PSMA1: variants seen among roughly 807,000 people sequenced by gnomAD.
PSMA1 encodes the protein proteasome subunit alpha type-1.
Under a neutral mutation model 38.4 loss-of-function variants are expected in PSMA1, and 3 were observed. The observed-to-expected ratio is 0.08, with a 90% CI of 0.04 to 0.20. PSMA1 has a LOEUF of 0.20. PSMA1 is among the 10% of genes least tolerant of loss of function. PSMA1 has a pLI of 1.00. For missense variants in PSMA1, 227 were observed against 325.3 expected, an observed-to-expected ratio of 0.70 and a Z score of 2.32; for synonymous variants, 101 against 107.1, an observed-to-expected ratio of 0.94 and a Z score of 0.35.
chr11:14,564,268 T>C (rs1457844593), intron 2 of PSMA1, among the ~76,000 whole-genome samples: 1 of 152,218 alleles, frequency 6.6e-6, no homozygotes, highest in Non-Finnish European at 1.5e-5. Flanking sequence ...TTTTGTCATC[T>C]GAAGAACGTT....
chr11:14,573,128 C>G (rs1447510960), intron 2 of PSMA1, among the ~76,000 whole-genome samples: 1 of 152,184 alleles, frequency 6.6e-6, no homozygotes, highest in Non-Finnish European at 1.5e-5. Context: ...CTATTCCAAT[C>G]AACAGAAAAA....
chr11:14,518,985 A>C lies in PSMA1; in HGVS notation c.48+12T>G, dbSNP rs1851479986. ...GCCACTTCACAGAAAAGGTTTAAAA[A>C]CATTATTTTACCTGGGGGCTCCAAA... On this transcript the variant is annotated intron_variant, in intron 2 of 9. Coordinates refer to ENST00000396394, the MANE Select transcript of PSMA1 (RefSeq NM_002786.4). 2 of 1,569,558 alleles carry C rather than the reference A, an allele frequency of 1.3e-6. No individual in the cohort carries two copies. The highest frequency in any genetic ancestry group is 2.7e-5 in the African/African-American group (2 of 72,728).
chr11:14,605,924 C>T (rs918750543), intron 2 of PSMA1, among the ~76,000 whole-genome samples: 1 of 152,142 alleles, frequency 6.6e-6, no homozygotes, highest in Non-Finnish European at 1.5e-5. Flanking sequence ...GCTGTAATTG[C>T]TTTTTAGAAC....
At chr11:14,641,149 C>T (rs1830925694) in intron 1 of PSMA1, among the ~76,000 whole-genome samples, 2 of 150,946 alleles carry the variant, frequency 1.3e-5, no homozygotes, top group Admixed American at 1.3e-4. Context: ...GTACGTTCTG[C>T]ACATGTATCC....
chr11:14,634,418 T>G (rs1337456296), intron 1 of PSMA1, among the ~76,000 whole-genome samples: 1 of 152,092 alleles, frequency 6.6e-6, no homozygotes. Flanking sequence ...GGGCTTAAAT[T>G]AATAAATATT....
At position 14,505,257 on chromosome 11, in the gene PSMA1, G is replaced by A; in HGVS notation, c.736-9C>T. 1 of 1,611,432 alleles carries A rather than the reference G, an allele frequency of 6.2e-7. No homozygotes were observed. The highest frequency in any genetic ancestry group is 8.5e-7 in the Non-Finnish European group (1 of 1,178,306). On this transcript the variant is annotated splice_polypyrimidine_tract_variant and intron_variant, in intron 9 of 9. Coordinates refer to ENST00000396394, the MANE Select transcript of PSMA1 (RefSeq NM_002786.4). ...TCAGCAGGTTGAGCAGGCTTAACAG[G>A]GAAAGAAAAAAAGAAAATATGTAAA...
intron 2 of PSMA1, among the ~76,000 whole-genome samples, chr11:14,555,123 T>G (rs1225574838): frequency 6.6e-6 from 1 of 152,226 alleles, no homozygotes; most frequent in Non-Finnish European, 1.5e-5. Context: ...GTGTCCTCTT[T>G]AGGAGAACAG....
chr11:14,521,616 C>A (rs113514915), upstream of PSMA1, among the ~76,000 whole-genome samples: 3,703 of 151,576 alleles, frequency 0.024, 174 homozygotes, highest in African/African-American at 0.085. Flanking sequence ...AACCCCGTCT[C>A]TACTAAAAAT....
chr11:14,639,313 T>C (rs907850232), intron 1 of PSMA1, among the ~76,000 whole-genome samples: 1 of 152,226 alleles, frequency 6.6e-6, no homozygotes, highest in Non-Finnish European at 1.5e-5. Flanking sequence ...AGAAAAATAT[T>C]TTAAAATCAC....
chr11:14,520,466 C>T (rs1565035214), upstream of PSMA1: 4 of 1,532,470 alleles, frequency 2.6e-6, no homozygotes, highest in Non-Finnish European at 3.5e-6. Flanking sequence ...CAACACTTCC[C>T]CCTCCTTAAA....
chr11:14,511,785 T>C (rs1026295721), intron 7 of PSMA1, among the ~76,000 whole-genome samples: 4 of 152,202 alleles, frequency 2.6e-5, no homozygotes, highest in Admixed American at 1.3e-4. Context: ...ATATTCATCA[T>C]TGTACCAGAG....
In PSMA1 at chr11:14,517,866, A is replaced by T; in HGVS notation, c.150+14T>A. ...GTTTTCTACAGAGGAAGACATATTT[A>T]TTACTGTACTTACTTTCAATGCAAC... On this transcript the variant is annotated intron_variant, in intron 3 of 9. Coordinates refer to ENST00000396394, the MANE Select transcript of PSMA1 (RefSeq NM_002786.4). 1 of 1,577,880 alleles carries T rather than the reference A, an allele frequency of 6.3e-7. No individual in the cohort carries two copies. Among genetic ancestry groups the T allele is most frequent in the Non-Finnish European group, 8.6e-7 (1 of 1,158,342 alleles).
At chr11:14,511,381 T>C (rs1851340083) in intron 7 of PSMA1, among the ~76,000 whole-genome samples, 1 of 151,948 alleles carries the variant, frequency 6.6e-6, no homozygotes, top group Non-Finnish European at 1.5e-5. Flanking sequence ...CCAATATAGA[T>C]GCAAAAACAA....
chr11:14,615,102 G>A (rs1852756111), intron 1 of PSMA1, among the ~76,000 whole-genome samples: 1 of 152,126 alleles, frequency 6.6e-6, no homozygotes, highest in South Asian at 2.1e-4. Flanking sequence ...AAGTTCTTTT[G>A]TATATCTATG....
intron 2 of PSMA1, among the ~76,000 whole-genome samples, chr11:14,569,661 A>T (rs1852114906): frequency 1.3e-5 from 2 of 152,164 alleles, no homozygotes; most frequent in Non-Finnish European, 2.9e-5. Flanking sequence ...AGGCTGGAGG[A>T]GGTGCGTCTG....
At chr11:14,609,832 A>G (rs748832833) in intron 2 of PSMA1, among the ~76,000 whole-genome samples, 1 of 152,204 alleles carries the variant, frequency 6.6e-6, no homozygotes, top group Non-Finnish European at 1.5e-5. Context: ...GGTACAGAAC[A>G]AGGTACTGAC....
intron 2 of PSMA1, among the ~76,000 whole-genome samples, chr11:14,538,303 C>A (rs1327492762): frequency 6.6e-6 from 1 of 152,082 alleles, no homozygotes; most frequent in African/African-American, 2.4e-5. Context: ...AATATTGAAT[C>A]CCTGTTTAAA....
intron 2 of PSMA1, among the ~76,000 whole-genome samples, chr11:14,544,779 A>G (rs1214259074): frequency 6.6e-6 from 1 of 152,242 alleles, no homozygotes; most frequent in Admixed American, 6.5e-5. Flanking sequence ...GCAGTTCTTC[A>G]AAAGTTTGAA....
intron 2 of PSMA1, among the ~76,000 whole-genome samples, chr11:14,576,885 C>T (rs933933804): frequency 1.1e-4 from 17 of 152,222 alleles, no homozygotes; most frequent in Non-Finnish European, 2.9e-5. Flanking sequence ...TGGCCATTTT[C>T]ATGATATTGA....
Sources: allele counts gnomAD v4.1 joint callset (sites outside exome capture counted in the v4.1 genomes callset), GRCh38; gene constraint gnomAD v4.1.1; transcripts MANE v1.5; gene names NCBI Gene and HGNC (gene_info 2026-07-23, HGNC 2026-07-21).